The following ADAMTS17 variants were observed in gnomAD, a reference collection of about 807,000 sequenced individuals.
ADAMTS17 encodes the protein ADAM metallopeptidase with thrombospondin type 1 motif 17, also known as A disintegrin and metalloproteinase with thrombospondin motifs 17.
A neutral mutation model predicts 141.5 loss-of-function variants in ADAMTS17; 113 were observed. The observed-to-expected ratio is 0.80, with a 90% CI of 0.69 to 0.93. ADAMTS17 has a LOEUF of 0.93. Ranked by LOEUF, ADAMTS17 falls within the 40% of genes least tolerant of loss-of-function variation. ADAMTS17 has a pLI of 0.00. For missense variants in ADAMTS17, 1,659 were observed against 1,517.9 expected, an observed-to-expected ratio of 1.09 and a Z score of -1.54; for synonymous variants, 768 against 630.6, an observed-to-expected ratio of 1.22 and a Z score of -3.27.
chr15:100,172,007 C>T (rs1412970418), intron 8 of ADAMTS17, among the ~76,000 whole-genome samples: 9 of 152,178 alleles, frequency 5.9e-5, no homozygotes, highest in Non-Finnish European at 1.3e-4. Context: ...AGACCCACTT[C>T]CCCCAGCAAC....
chr15:100,209,874 C>T (rs755566102), intron 7 of ADAMTS17, among the ~76,000 whole-genome samples: 36 of 152,198 alleles, frequency 2.4e-4, no homozygotes, highest in Non-Finnish European at 4.3e-4. Context: ...AGAATCATCC[C>T]AGACTATGGA....
chr15:100,022,736 C>G (rs752058809), intron 18 of ADAMTS17, among the ~76,000 whole-genome samples: 7 of 152,154 alleles, frequency 4.6e-5, no homozygotes, highest in African/African-American at 7.2e-5. Context: ...TACAGAGAGT[C>G]TTGGCATGGG....
At chr15:100,324,304 C>CAAAT (rs927776403) in intron 3 of ADAMTS17, among the ~76,000 whole-genome samples, 2 of 151,698 alleles carry the variant, frequency 1.3e-5, no homozygotes, top group Non-Finnish European at 2.9e-5. Flanking sequence ...GACTCCGTCT[C>CAAAT]AAATAAATAA....
At chr15:100,087,183 C>A (rs1293023668) in intron 15 of ADAMTS17, among the ~76,000 whole-genome samples, 2 of 152,198 alleles carry the variant, frequency 1.3e-5, no homozygotes, top group South Asian at 4.1e-4. Context: ...CACAGAAATA[C>A]AAACTACCAT....
chr15:100,025,931 C>G (rs1346730733), intron 18 of ADAMTS17, among the ~76,000 whole-genome samples: 1 of 151,788 alleles, frequency 6.6e-6, no homozygotes, highest in Non-Finnish European at 1.5e-5. Flanking sequence ...TAGTTTTATT[C>G]AAGTATCACA....
intron 18 of ADAMTS17, among the ~76,000 whole-genome samples, chr15:100,008,493 C>T (rs1771115371): frequency 6.6e-6 from 1 of 152,186 alleles, no homozygotes; most frequent in Admixed American, 6.5e-5. Context: ...ATGGGGCAGC[C>T]AAGGGGAAGG....
At chr15:100,273,403 ATTTC>A (rs1342832404) in intron 4 of ADAMTS17, among the ~76,000 whole-genome samples, 1 of 152,040 alleles carries the variant, frequency 6.6e-6, no homozygotes, top group Non-Finnish European at 1.5e-5. Context: ...CAAATTTTCT[ATTTC>A]TTTGTGATTA....
chr15:100,298,251 G>A (rs912352353), intron 3 of ADAMTS17, among the ~76,000 whole-genome samples: 2 of 152,144 alleles, frequency 1.3e-5, no homozygotes, highest in Non-Finnish European at 2.9e-5. Context: ...AAGAAACCCA[G>A]GCCCACTGAA....
intron 15 of ADAMTS17, among the ~76,000 whole-genome samples, chr15:100,084,592 C>G (rs777878368): frequency 3.7e-4 from 57 of 152,208 alleles, no homozygotes; most frequent in Non-Finnish European, 7.6e-4. Flanking sequence ...GAGGCACCCC[C>G]CTGTAGGGGC....
At chr15:100,227,196 T>C (rs1464239633) in intron 7 of ADAMTS17, among the ~76,000 whole-genome samples, 2 of 152,126 alleles carry the variant, frequency 1.3e-5, no homozygotes, top group Non-Finnish European at 2.9e-5. Flanking sequence ...TCCTGAACAC[T>C]TCCACCTGGA....
chr15:100,131,563 A>G (rs1321477481), intron 12 of ADAMTS17, among the ~76,000 whole-genome samples: 1 of 152,134 alleles, frequency 6.6e-6, no homozygotes. Context: ...CATTTTTTCT[A>G]ACAGTTACAG....
intron 3 of ADAMTS17, among the ~76,000 whole-genome samples, chr15:100,297,731 G>C (rs2044874226): frequency 1.3e-5 from 2 of 152,084 alleles, no homozygotes; most frequent in Non-Finnish European, 2.9e-5. Flanking sequence ...GTGCGGATTT[G>C]GGAGCTCAAG....
rs1034740962 is a variant in ADAMTS17, at chr15:100,096,537, T to A, written c.2017-61A>T. 2.0e-5 allele frequency: 32 copies of A among 1,611,850 alleles called. No homozygotes were observed. The African/African-American group carries it at 4.1e-4, about 21-fold the overall frequency. On this transcript the variant is annotated intron_variant, in intron 14 of 21. Coordinates refer to ENST00000268070, the MANE Select transcript of ADAMTS17 (RefSeq NM_139057.4). ...AGACTCAGAGGAGTTTTAAAGAGGC[T>A]GCCCTGCAAGGCTAACTTTTCCATG...
intron 18 of ADAMTS17, among the ~76,000 whole-genome samples, chr15:100,037,479 C>T (rs185956426): frequency 1.3e-4 from 20 of 150,788 alleles, no homozygotes; most frequent in Admixed American, 2.6e-4. Context: ...GGCGCAATTT[C>T]GGCTCACTGC....
Position 100,115,553 on chromosome 15 carries a change from G to A in ADAMTS17, c.1888+1294C>T, listed in dbSNP as rs535896500. Among the ~76,000 whole-genome samples, 4 of 152,274 alleles carry A rather than the reference G, an allele frequency of 2.6e-5. 1 individual carries two copies. The highest frequency in any genetic ancestry group is 4.1e-4 in the South Asian group (2 of 4,824). On this transcript the variant is annotated intron_variant, in intron 13 of 21. Coordinates refer to ENST00000268070, the MANE Select transcript of ADAMTS17 (RefSeq NM_139057.4). ...TTTAGAGCATCACATGTTGCTCTAC[G>A]AGTCAGCTCAAAGAGGATGGGTCAG...
intron 3 of ADAMTS17, among the ~76,000 whole-genome samples, chr15:100,284,584 G>A (rs551115689): frequency 9.9e-5 from 15 of 152,218 alleles, no homozygotes; most frequent in African/African-American, 3.6e-4. Flanking sequence ...GTGAGAACAG[G>A]AGCACTGAGG....
intron 8 of ADAMTS17, among the ~76,000 whole-genome samples, chr15:100,167,330 G>A (rs576664668): frequency 7.2e-5 from 11 of 152,316 alleles, no homozygotes; most frequent in African/African-American, 2.6e-4. Context: ...GACATCAGGA[G>A]CTGAAAGCGT....
chr15:100,041,555 T>G (rs966999930), intron 18 of ADAMTS17, among the ~76,000 whole-genome samples: 10 of 152,220 alleles, frequency 6.6e-5, no homozygotes, highest in African/African-American at 2.4e-4. Flanking sequence ...GCCTCTTCCC[T>G]GCAGACTGTG....
chr15:100,133,595 G>C (rs1255103432), intron 10 of ADAMTS17, among the ~76,000 whole-genome samples: 2 of 152,180 alleles, frequency 1.3e-5, no homozygotes, highest in Admixed American at 1.3e-4. Context: ...AGATATCAGA[G>C]GCACAGCCCT....
Sources: allele counts gnomAD v4.1 joint callset (sites outside exome capture counted in the v4.1 genomes callset), GRCh38; gene constraint gnomAD v4.1.1; transcripts MANE v1.5; gene names NCBI Gene and HGNC (gene_info 2026-07-23, HGNC 2026-07-21).